The following SNRPC variants were observed in gnomAD, a reference collection of about 807,000 sequenced individuals.
SNRPC encodes small nuclear ribonucleoprotein polypeptide C.
A neutral mutation model predicts 20.0 loss-of-function variants in SNRPC; 5 were observed. That is an observed-to-expected ratio of 0.25 (90% CI 0.13 to 0.53). The LOEUF (loss-of-function observed/expected upper bound fraction) is 0.53. Ranked by LOEUF, SNRPC falls within the 20% of genes least tolerant of loss-of-function variation. The pLI is 0.96. For missense variants in SNRPC, 112 were observed against 224.1 expected (o/e 0.50, Z 3.19); for synonymous variants, 61 against 58.7 (o/e 1.04, Z -0.18).
At chr6:34,766,537 A>G (rs1036508461) in intron 3 of SNRPC, among the ~76,000 whole-genome samples, 4 of 152,190 alleles carry the variant, frequency 2.6e-5, no homozygotes, top group African/African-American at 9.7e-5. Context: ...GGCTAGTCAG[A>G]ATAAACATTT....
chr6:34,767,719 A>G (rs544122743), intron 3 of SNRPC, among the ~76,000 whole-genome samples, 189 bp from the exon 4 acceptor site: 1 of 152,348 alleles, frequency 6.6e-6, no homozygotes, highest in East Asian at 1.9e-4. Flanking sequence ...AATTAACTGC[A>G]CTTTTAGCCG....
At chr6:34,757,590 C>G (rs1369834256) in intron 1 of SNRPC, 39 bp downstream of exon 1, 1 of 1,602,208 alleles carries the variant, frequency 6.2e-7, no homozygotes. Flanking sequence ...ATCGTAGTCA[C>G]TAGTTGTGGC....
rs1764719756 is a variant in SNRPC, at chr6:34,773,749, G to A, written c.*179G>A. The A allele has an allele frequency of 4.2e-6, 2 of 477,064 alleles. No individual in the cohort carries two copies. The highest frequency in any genetic ancestry group is 7.4e-6 in the Non-Finnish European group (2 of 271,504). The allele number at this position is 477,064 out of a possible 1,614,324, so 29.6% of individuals were successfully genotyped here. A position where few individuals can be genotyped will look rare whatever the true frequency, so the allele number is the denominator to read the frequency against. ...GACAAAAAAGATGCAGTTTTCCTTT[G>A]TATTGGGAAATGTGAAAATAAAATT... is the stretch of plus-strand genomic sequence containing the variant. On this transcript the variant is annotated 3_prime_UTR_variant, in exon 6 of 6. Transcript: ENST00000244520. The surrounding 1 kb of genome is among the most constrained non-coding windows in gnomAD (Gnocchi z 4.1).
At chr6:34,758,971 G>C (rs1447621525) in intron 2 of SNRPC, among the ~76,000 whole-genome samples, 1 of 129,966 alleles carries the variant, frequency 7.7e-6, no homozygotes, top group African/African-American at 2.9e-5. Flanking sequence ...AGTGAGCCGA[G>C]ATCCCGCCAC....
intron 3 of SNRPC, among the ~76,000 whole-genome samples, chr6:34,764,609 G>C (rs914061851): frequency 6.6e-6 from 1 of 151,598 alleles, no homozygotes; most frequent in African/African-American, 2.4e-5. Context: ...GTTGCAGTGA[G>C]CTAAGATTGC....
At chr6:34,772,537 A>G (rs533111424) in intron 5 of SNRPC, among the ~76,000 whole-genome samples, 1 of 152,344 alleles carries the variant, frequency 6.6e-6, no homozygotes, top group South Asian at 2.1e-4. Flanking sequence ...CATTTGTGAT[A>G]AGGCTATATT....
At chr6:34,771,500 C>G (rs1439738523) in intron 5 of SNRPC, among the ~76,000 whole-genome samples, 1 of 152,074 alleles carries the variant, frequency 6.6e-6, no homozygotes, top group Non-Finnish European at 1.5e-5. Context: ...GATTACTTTG[C>G]CTACCAAATT....
intron 3 of SNRPC, among the ~76,000 whole-genome samples, chr6:34,765,738 C>T (rs1442929881): frequency 6.6e-6 from 1 of 151,354 alleles, no homozygotes; most frequent in Non-Finnish European, 1.5e-5. Flanking sequence ...CCACCATGCC[C>T]AGTCACAATT....
chr6:34,773,745 C>T lies in SNRPC; in HGVS notation c.*175C>T. ...GTGGGACAAAAAAGATGCAGTTTTC[C>T]TTTGTATTGGGAAATGTGAAAATAA... On this transcript the variant is annotated 3_prime_UTR_variant, in exon 6 of 6. Coordinates refer to ENST00000244520, the MANE Select transcript of SNRPC (RefSeq NM_003093.3). This position sits in a 1 kb window ranked among gnomAD's most constrained non-coding sequence, Gnocchi z 4.1. The T allele has an allele frequency of 4.1e-6, 2 of 492,538 alleles. No individual in the cohort carries two copies. The highest frequency in any genetic ancestry group is 4.4e-5 in the South Asian group (1 of 22,626). The allele number at this position is 492,538 out of a possible 1,614,324, so 30.5% of individuals were successfully genotyped here.
At chr6:34,766,693 A>T (rs1764618042) in intron 3 of SNRPC, among the ~76,000 whole-genome samples, 1 of 152,160 alleles carries the variant, frequency 6.6e-6, no homozygotes, top group Non-Finnish European at 1.5e-5. Context: ...CTTACAAAGG[A>T]TGTGAGAGAG....
intron 3 of SNRPC, among the ~76,000 whole-genome samples, chr6:34,767,658 T>G (rs1484889831): frequency 1.3e-5 from 2 of 152,164 alleles, no homozygotes; most frequent in Non-Finnish European, 2.9e-5. Flanking sequence ...CAGTCTCCCA[T>G]ATTTAATTTA....
chr6:34,763,718 TTTTA>T (rs1561790225), intron 3 of SNRPC, among the ~76,000 whole-genome samples: 1 of 150,684 alleles, frequency 6.6e-6, no homozygotes, highest in Admixed American at 6.6e-5. Context: ...TTTTATTTAT[TTTTA>T]TTTATTTATT....
chr6:34,767,036 T>A (rs1213645521), intron 3 of SNRPC, among the ~76,000 whole-genome samples: 1 of 152,214 alleles, frequency 6.6e-6, no homozygotes, highest in Non-Finnish European at 1.5e-5. Context: ...AAAAAATTTT[T>A]AAATTGATTG....
intron 1 of SNRPC, 136 bp downstream of exon 1, chr6:34,757,687 G>A (rs1232586577): frequency 7.3e-7 from 1 of 1,369,486 alleles, no homozygotes; most frequent in Non-Finnish European, 1.0e-6. Flanking sequence ...GAGGCAGGGA[G>A]ATGGAGAGCG....
In SNRPC at chr6:34,773,414, T is replaced by C; in HGVS notation, c.356-32T>C. On this transcript the variant is annotated intron_variant, in intron 5 of 5. Coordinates refer to ENST00000244520, the MANE Select transcript of SNRPC (RefSeq NM_003093.3). The surrounding 1 kb of genome is among the most constrained non-coding windows in gnomAD (Gnocchi z 4.1). ...CCCTAAATCGTATTTTCTGACTCCC[T>C]TTTTCTCCCTCTTCTTTGTTTTGTC... 3 of 1,595,198 alleles carry C rather than the reference T, an allele frequency of 1.9e-6. No homozygotes were observed. Among genetic ancestry groups the C allele is most frequent in the East Asian group, 2.2e-5 (1 of 44,576 alleles).
chr6:34,767,934 C>A lies in SNRPC; in HGVS notation c.187C>A (p.Pro63Thr), dbSNP rs1233305256. 1.9e-6 allele frequency: 3 copies of A among 1,591,684 alleles called. No individual in the cohort carries two copies. The highest frequency in any genetic ancestry group is 2.6e-6 in the Non-Finnish European group (3 of 1,171,136). The change falls in exon 4 of 6, where the codon CCT (proline) becomes ACT (threonine). Residue 63 changes from proline (P) to threonine (T), a missense_variant. Physicochemically the swap from Pro to Thr is conservative, Grantham distance 38. Around this residue, in one of 3 missense-constraint regions of SNRPC, gnomAD observed 45 missense variants for 48.6 expected, o/e 0.93. Coordinates refer to ENST00000244520, the MANE Select transcript of SNRPC (RefSeq NM_003093.3). ...GGCTGCATTTCAACAAGGAAAGATA[C>A]CTCCTACTCCATTCTCTGCTCCTCC... ...TTAAFQQGKI[P>T]PTPFSAPPPA...
rs1282794951 is a variant in SNRPC, at chr6:34,759,039, A to G, written c.51+1085A>G. Among the ~76,000 whole-genome samples the G allele has an allele frequency of 1.2e-4, 13 of 111,618 alleles. 1 individual carries two copies. The highest frequency in any genetic ancestry group is 2.4e-4 in the African/African-American group (6 of 24,970). The allele number at this position is 111,618 out of a possible 152,430, so 73.2% of individuals were successfully genotyped here. The stretch of plus-strand genomic sequence containing the variant: ...CGTCTCAAAAAAAAAAAAAAAAAAA[A>G]AAAAAAGAAAAGAAAACCCACGTTA... On this transcript the variant is annotated intron_variant, in intron 2 of 5. Transcript: ENST00000244520.
At chr6:34,762,574 T>G in intron 2 of SNRPC, 21 bp from the exon 3 acceptor site, 1 of 1,290,592 alleles carries the variant, frequency 7.7e-7, no homozygotes, top group South Asian at 1.2e-5. Flanking sequence ...CTACGTCTGA[T>G]ATGATCTTTT....
chr6:34,767,349 G>A (rs983206340), intron 3 of SNRPC, among the ~76,000 whole-genome samples: 14 of 152,240 alleles, frequency 9.2e-5, no homozygotes, highest in Non-Finnish European at 1.9e-4. Flanking sequence ...GGCCAGGCAT[G>A]GCGGCTCACG....
Sources: allele counts gnomAD v4.1 joint callset (sites outside exome capture counted in the v4.1 genomes callset), GRCh38; gene constraint gnomAD v4.1.1; regional missense constraint gnomAD v4.1.1; non-coding constraint Gnocchi (gnomAD v3.1); transcripts MANE v1.5; gene names NCBI Gene and HGNC (gene_info 2026-07-23, HGNC 2026-07-21).